The following NOTCH1 variants were observed in gnomAD, a reference collection of about 807,000 sequenced individuals.
NOTCH1 encodes the protein notch receptor 1.
In NOTCH1, 37 loss-of-function variants were observed where a neutral mutation model predicts 254.8. That is an observed-to-expected ratio of 0.15 (90% confidence interval 0.11 to 0.19). The LOEUF (loss-of-function observed/expected upper bound fraction) is 0.19. NOTCH1 is among the 10% of genes least tolerant of loss of function. The probability of loss-of-function intolerance (pLI) is 1.00; values close to 1 mark genes in which losing one functional copy is unlikely to be tolerated. For synonymous variants in NOTCH1, 1,731 were observed against 1,618.1 expected (o/e 1.07, Z -1.68); for missense variants, 2,972 against 3,708.6 (o/e 0.80, Z 5.16).
chr9:136,517,123 C>T lies in NOTCH1; in HGVS notation c.1555+149G>A. 6 of 584,150 alleles carry T rather than the reference C, an allele frequency of 1.0e-5. No individual in the cohort carries two copies. In the South Asian group the frequency reaches 1.2e-4, roughly 11 times the overall value. 36.2% of individuals were successfully genotyped at this position (584,150 alleles called of 1,614,324 possible). On this transcript the variant is annotated intron_variant, in intron 9 of 33. Transcript: ENST00000651671. ...CCTCAGGAGGCCGGGGTGCGGACGG[C>T]CCGAGGGCAGGGGGTGGGGGCGGCC...
chr9:136,516,229 C>T, intron 9 of NOTCH1, 135 bp from the exon 10 acceptor site: 1 of 674,864 alleles, frequency 1.5e-6, no homozygotes, highest in Non-Finnish European at 2.7e-6. Flanking sequence ...CAGCCAGCTC[C>T]AGCTCTCCCT....
rs757898668 is a variant in NOTCH1, at chr9:136,508,859, G to C, written c.3171+11C>G. The C allele has an allele frequency of 6.5e-7, 1 of 1,540,006 alleles. No individual in the cohort carries two copies. Among genetic ancestry groups the C allele is most frequent in the Admixed American group, 2.0e-5 (1 of 50,836 alleles). ...CCCTCCTTCGGGCACCTCTGTGGCC[G>C]GCGCACTCACCTGGCAGTTGGGGCC... On this transcript the variant is annotated intron_variant, in intron 19 of 33. Transcript: ENST00000651671.
intron 2 of NOTCH1, among the ~76,000 whole-genome samples, chr9:136,524,754 C>T (rs1409665186): frequency 6.6e-6 from 1 of 151,464 alleles, no homozygotes; most frequent in African/African-American, 2.4e-5. Context: ...TCTCCTGCCT[C>T]AGCCTCCCGA....
intron 15 of NOTCH1, among the ~76,000 whole-genome samples, chr9:136,512,380 G>A (rs895332316): frequency 2.6e-5 from 4 of 152,180 alleles, no homozygotes; most frequent in African/African-American, 9.7e-5. Flanking sequence ...GCCCGCTCCT[G>A]GGGAGCGCCA....
intron 15 of NOTCH1, among the ~76,000 whole-genome samples, chr9:136,511,924 C>T (rs1231790204): frequency 6.6e-6 from 1 of 152,248 alleles, no homozygotes; most frequent in African/African-American, 2.4e-5. Flanking sequence ...TGCACAAGCC[C>T]ATGGCCGAGC....
chr9:136,515,425 A>G (rs755683452), intron 11 of NOTCH1, 25 bp from the exon 12 acceptor site: 117 of 1,612,404 alleles, frequency 7.3e-5, no homozygotes, highest in Non-Finnish European at 9.6e-5. Context: ...CGTGTCGGTC[A>G]GTCCTCAGGC....
intron 2 of NOTCH1, among the ~76,000 whole-genome samples, chr9:136,538,814 C>T (rs966201285): frequency 6.6e-5 from 10 of 152,222 alleles, no homozygotes; most frequent in Admixed American, 3.9e-4. Context: ...GTAACAGCGG[C>T]GTCCTGAGTG....
At chr9:136,519,966 G>C (rs966147539) in intron 4 of NOTCH1, among the ~76,000 whole-genome samples, 1 of 152,180 alleles carries the variant, frequency 6.6e-6, no homozygotes, top group Non-Finnish European at 1.5e-5. Flanking sequence ...GCAGCAGGGG[G>C]ACATGGGGCC....
At chr9:136,499,330 G>A (rs1386669854) in intron 31 of NOTCH1, 71 bp from the exon 32 acceptor site, 18 of 1,570,068 alleles carry the variant, frequency 1.1e-5, no homozygotes, top group Admixed American at 3.5e-5. Flanking sequence ...CAGAACGAAC[G>A]CCTGGACGGG....
At chr9:136,543,588 G>A in intron 2 of NOTCH1, 1 of 350,558 alleles carries the variant, frequency 2.9e-6, no homozygotes. Flanking sequence ...CACCTAGGAG[G>A]CATCACCCCC....
intron 16 of NOTCH1, 36 bp from the exon 17 acceptor site, chr9:136,510,841 GC>G: frequency 6.2e-7 from 1 of 1,603,260 alleles, no homozygotes. Context: ...GTCACCAGCG[GC>G]CCCTGGCCCT....
rs768028742 is a variant in NOTCH1, at chr9:136,518,147, C to T, written c.1245G>A (p.Glu415=). 22 of 1,590,324 alleles carry T rather than the reference C, an allele frequency of 1.4e-5. No individual in the cohort carries two copies. Among genetic ancestry groups the T allele is most frequent in the Non-Finnish European group, 1.8e-5 (21 of 1,169,066 alleles). The change falls in exon 7 of 34, where the codon GAG becomes GAA. Residue 415 remains glutamate (E), a synonymous_variant. Transcript: ENST00000651671. ...TGTGCTGGCACCTACCCAGCGAGCA[C>T]TCATCCACGTCCTGGCTGCAGGCCG... ...TGPACSQDVD[E]CSLGANPCEH...
At chr9:136,524,995 T>C (rs1843437367) in intron 2 of NOTCH1, among the ~76,000 whole-genome samples, 1 of 152,164 alleles carries the variant, frequency 6.6e-6, no homozygotes, top group Non-Finnish European at 1.5e-5. Flanking sequence ...GGACATCTCA[T>C]GTCAAGATCG....
chr9:136,538,933 C>T (rs1362365609), intron 2 of NOTCH1, among the ~76,000 whole-genome samples: 1 of 152,214 alleles, frequency 6.6e-6, no homozygotes, highest in African/African-American at 2.4e-5. Flanking sequence ...CAGGAAAGGT[C>T]CCCTCCCCAC....
intron 2 of NOTCH1, among the ~76,000 whole-genome samples, chr9:136,533,869 C>T (rs960763190): frequency 2.6e-5 from 4 of 152,390 alleles, no homozygotes; most frequent in East Asian, 1.9e-4. Context: ...GTGAGGGACG[C>T]GCCAGTTTCC....
chr9:136,519,449 A>G lies in NOTCH1; in HGVS notation c.859T>C (p.Trp287Arg). The change falls in exon 5 of 34, where the codon TGG becomes CGG. Residue 287 changes from tryptophan to arginine, a missense_variant. By Grantham distance (101) the Trp-to-Arg change is moderately radical. Around this residue, in one of 8 missense-constraint regions of NOTCH1, gnomAD observed 374 missense variants for 496.3 expected, o/e 0.75. Transcript: ENST00000651671. ...NTYNCRCPPE[W>R]TGQYCTEDVD... is the part of the protein sequence containing the mutation. Reference sequence around the variant, plus strand: ...CGGCGACCCGTATACGCGCCTGTCCACTCTGGCGGGCAGCGGCAGTTGTAG... The same window carrying G: ...CGGCGACCCGTATACGCGCCTGTCCGCTCTGGCGGGCAGCGGCAGTTGTAG... 6.2e-7 allele frequency: 1 copy of G among 1,612,758 alleles called. No homozygotes were observed. The highest frequency in any genetic ancestry group is 8.5e-7 in the Non-Finnish European group (1 of 1,179,894).
intron 31 of NOTCH1, 41 bp downstream of exon 31, chr9:136,500,511 C>T (rs774639851): frequency 1.9e-6 from 3 of 1,604,772 alleles, no homozygotes; most frequent in Non-Finnish European, 2.5e-6. Context: ...ACCAGGCGGC[C>T]CTGAGGAGGG....
At position 136,504,710 on chromosome 9, in the gene NOTCH1, G is replaced by A. The variant is rs998433493; in HGVS notation, c.4981C>T (p.Arg1661Trp). The A allele has an allele frequency of 1.4e-5, 21 of 1,537,744 alleles. No homozygotes were observed. In the African/African-American group the frequency reaches 1.4e-4, roughly 10 times the overall value. The change falls in exon 26 of 34, where the codon CGG becomes TGG. Residue 1661 changes from arginine (R) to tryptophan (W), a missense_variant. By Grantham distance (101) the Arg-to-Trp change is moderately radical. This residue lies in a region of NOTCH1 where 1,343 missense variants were observed against 1,557.0 expected (regional missense o/e 0.86). Transcript: ENST00000651671. ...SLLPGGSEGG[R>W]RRRELDPMDV... ...ATGGGGTCCAGCTCCCTCCGCCGCC[G>A]CCCACCCTCGCTGCCACCAGGGAGC...
chr9:136,502,155 C>T, intron 28 of NOTCH1, 67 bp from the exon 29 acceptor site: 1 of 1,603,174 alleles, frequency 6.2e-7, no homozygotes, highest in Non-Finnish European at 8.5e-7. Context: ...AGACCCCTGG[C>T]CCGGGCCTGG....
Sources: gnomAD v4.1 joint callset for allele counts (sites outside exome capture counted in the v4.1 genomes callset) on GRCh38, gnomAD v4.1.1 for gene constraint, gnomAD v4.1.1 regional missense constraint, MANE v1.5 for transcripts, NCBI Gene and HGNC (gene_info 2026-07-23, HGNC 2026-07-21) for gene names.